DPP10: variants seen among roughly 807,000 people sequenced by gnomAD.
DPP10 encodes the protein inactive dipeptidyl peptidase 10.
A neutral mutation model predicts 120.9 loss-of-function variants in DPP10; 33 were observed. That is an observed-to-expected ratio of 0.27 (90% confidence interval 0.21 to 0.37). The LOEUF (loss-of-function observed/expected upper bound fraction) is 0.37, where lower values mean the gene tolerates loss of function less well. Ranked by LOEUF, DPP10 falls within the 10% of genes least tolerant of loss-of-function variation. DPP10 has a pLI of 1.00. For synonymous variants in DPP10, 337 were observed against 326.1 expected, an observed-to-expected ratio of 1.03 and a Z score of -0.36; for missense variants, 816 against 942.8, an observed-to-expected ratio of 0.87 and a Z score of 1.76.
intron 9 of DPP10, among the ~76,000 whole-genome samples, chr2:115,744,678 T>C (rs1239503095): frequency 2.0e-5 from 3 of 150,414 alleles, no homozygotes; most frequent in Non-Finnish European, 2.9e-5. Context: ...TAGTCTCTTT[T>C]GATATCCAAC....
chr2:114,565,019 G>T (rs1005300896), intron 1 of DPP10, among the ~76,000 whole-genome samples: 6 of 152,186 alleles, frequency 3.9e-5, no homozygotes, highest in Non-Finnish European at 2.9e-5. Context: ...CACTGCAGAG[G>T]CCTGGAATGA....
At chr2:115,789,007 A>C (rs992199658) in intron 17 of DPP10, among the ~76,000 whole-genome samples, 1 of 152,084 alleles carries the variant, frequency 6.6e-6, no homozygotes, top group Admixed American at 6.5e-5. Context: ...AGTCCCAGCT[A>C]TTCAGGAGGC....
intron 1 of DPP10, among the ~76,000 whole-genome samples, chr2:115,288,654 C>G (rs1385085218): frequency 6.6e-6 from 1 of 151,838 alleles, no homozygotes; most frequent in Non-Finnish European, 1.5e-5. Context: ...ACCCAGGAAA[C>G]GAGGTTGCAG....
intron 1 of DPP10, among the ~76,000 whole-genome samples, chr2:114,927,555 A>T (rs898656620): frequency 6.6e-6 from 1 of 152,092 alleles, no homozygotes; most frequent in Non-Finnish European, 1.5e-5. Flanking sequence ...TGTGTTTCTC[A>T]TAAGTCTTTC....
At chr2:114,596,918 A>G (rs1691957389) in intron 1 of DPP10, among the ~76,000 whole-genome samples, 3 of 152,044 alleles carry the variant, frequency 2.0e-5, no homozygotes, top group African/African-American at 7.2e-5. Flanking sequence ...AGCACTTGTT[A>G]TATGTAGCCA....
chr2:115,671,293 A>C (rs1378148597), intron 5 of DPP10, among the ~76,000 whole-genome samples: 2 of 151,944 alleles, frequency 1.3e-5, no homozygotes, highest in African/African-American at 4.8e-5. Context: ...TTTATAAACC[A>C]AGATGATATT....
chr2:114,724,123 A>C (rs1701888355), intron 1 of DPP10, among the ~76,000 whole-genome samples: 1 of 152,210 alleles, frequency 6.6e-6, no homozygotes, highest in African/African-American at 2.4e-5. Flanking sequence ...TTTATCTAAG[A>C]AATGTGAGCC....
intron 1 of DPP10, among the ~76,000 whole-genome samples, chr2:114,521,798 T>C (rs1327844428): frequency 6.9e-6 from 1 of 145,342 alleles, no homozygotes; most frequent in Admixed American, 7.0e-5. Context: ...GATACTATTA[T>C]CCAAGGTTTT....
At chr2:115,398,733 A>G (rs1167744701) in intron 3 of DPP10, among the ~76,000 whole-genome samples, 1 of 152,166 alleles carries the variant, frequency 6.6e-6, no homozygotes, top group Non-Finnish European at 1.5e-5. Context: ...TTGATTTTTC[A>G]TATCAGACTT....
intron 3 of DPP10, among the ~76,000 whole-genome samples, chr2:115,428,524 A>C (rs906687202): frequency 1.3e-5 from 2 of 151,984 alleles, no homozygotes; most frequent in Non-Finnish European, 2.9e-5. Context: ...TTGCACACAC[A>C]TGGTGAGATG....
intron 1 of DPP10, among the ~76,000 whole-genome samples, chr2:115,214,916 A>G (rs1222796102): frequency 6.6e-6 from 1 of 152,090 alleles, no homozygotes; most frequent in Non-Finnish European, 1.5e-5. Context: ...TTTTTATCCT[A>G]GCACATCTTG....
chr2:115,272,840 A>T (rs192968188), intron 1 of DPP10, among the ~76,000 whole-genome samples: 1 of 152,328 alleles, frequency 6.6e-6, no homozygotes, highest in East Asian at 1.9e-4. Context: ...GGGTTCTGTA[A>T]TGCTCAATTC....
chr2:115,217,681 G>A (rs796315144), intron 1 of DPP10, among the ~76,000 whole-genome samples: 26 of 152,174 alleles, frequency 1.7e-4, no homozygotes, highest in African/African-American at 5.3e-4. Flanking sequence ...CTGATCTCCC[G>A]CACATGAAAA....
chr2:115,241,236 T>C (rs888963948), intron 1 of DPP10, among the ~76,000 whole-genome samples: 1 of 152,068 alleles, frequency 6.6e-6, no homozygotes, highest in Non-Finnish European at 1.5e-5. Context: ...GCTACTGCAT[T>C]CCAGCCTGGG....
At position 115,163,105 on chromosome 2, in the gene DPP10, A is replaced by T. The variant is rs1403242077; in HGVS notation, c.61-146134A>T. Among the ~76,000 whole-genome samples, 4 of 152,184 alleles carry T rather than the reference A, an allele frequency of 2.6e-5. No homozygotes were observed. The South Asian group carries it at 8.3e-4, about 32-fold the overall frequency. ...CGGAGTGCGCTGCGAAGGCTGCTGG[A>T]GGCGGACACCCTCCCAGCTTATTGC... is the stretch of plus-strand genomic sequence containing the variant. On this transcript the variant is annotated intron_variant, in intron 1 of 25. Coordinates refer to ENST00000410059, the MANE Select transcript of DPP10 (RefSeq NM_020868.6).
At chr2:115,829,279 T>TC (rs763493234) in intron 21 of DPP10, among the ~76,000 whole-genome samples, 2 of 152,150 alleles carry the variant, frequency 1.3e-5, no homozygotes, top group Non-Finnish European at 2.9e-5. Context: ...GTTTCCTAGC[T>TC]CCGTTGGTTG....
intron 1 of DPP10, among the ~76,000 whole-genome samples, chr2:114,481,208 A>G (rs1451880294): frequency 6.6e-6 from 1 of 152,126 alleles, no homozygotes; most frequent in African/African-American, 2.4e-5. Flanking sequence ...TAGTATATAC[A>G]TAGAGCTCTC....
At chr2:115,162,098 C>T in intron 1 of DPP10, 1 of 1,502,496 alleles carries the variant, frequency 6.7e-7, no homozygotes, top group South Asian at 1.3e-5. Context: ...GCCCGCCTCC[C>T]GCTTCCCAGG....
chr2:114,899,159 A>G (rs2106634387), intron 1 of DPP10, among the ~76,000 whole-genome samples: 1 of 151,916 alleles, frequency 6.6e-6, no homozygotes. Flanking sequence ...TAATCAATAT[A>G]GAAATTCTAT....
Sources: gnomAD v4.1 joint callset for allele counts (sites outside exome capture counted in the v4.1 genomes callset) on GRCh38, gnomAD v4.1.1 for gene constraint, MANE v1.5 for transcripts, NCBI Gene and HGNC (gene_info 2026-07-23, HGNC 2026-07-21) for gene names.